SSBP2: variants seen among roughly 807,000 people sequenced by gnomAD.
SSBP2 encodes single-stranded DNA-binding protein 2.
Under a neutral mutation model 61.8 loss-of-function variants are expected in SSBP2, and 17 were observed. The observed-to-expected ratio is 0.28, with a 90% CI of 0.19 to 0.41. The LOEUF (loss-of-function observed/expected upper bound fraction) is 0.41, where lower values mean the gene tolerates loss of function less well. Among genes scored for constraint, SSBP2 ranks in the 10% least tolerant of loss-of-function variants. The probability of loss-of-function intolerance (pLI) is 1.00; values close to 1 mark genes in which losing one functional copy is unlikely to be tolerated. For missense variants in SSBP2, 310 were observed against 458.7 expected, an observed-to-expected ratio of 0.68 and a Z score of 2.96; for synonymous variants, 139 against 141.3, an observed-to-expected ratio of 0.98 and a Z score of 0.12.
At chr5:81,569,137 T>C (rs1773659651) in intron 4 of SSBP2, among the ~76,000 whole-genome samples, 1 of 152,204 alleles carries the variant, frequency 6.6e-6, no homozygotes, top group African/African-American at 2.4e-5. Flanking sequence ...CTAATGAATT[T>C]TCTGGATGGT....
At chr5:81,643,018 T>C (rs1425423634) in intron 2 of SSBP2, among the ~76,000 whole-genome samples, 1 of 152,226 alleles carries the variant, frequency 6.6e-6, no homozygotes, top group Non-Finnish European at 1.5e-5. Context: ...TACTCCATTC[T>C]ATACTTGGGG....
chr5:81,579,182 A>G (rs781103912), intron 4 of SSBP2, among the ~76,000 whole-genome samples: 8 of 152,056 alleles, frequency 5.3e-5, no homozygotes, highest in Non-Finnish European at 8.8e-5. Flanking sequence ...TAAAAGGAAA[A>G]TGATATCAGG....
chr5:81,749,174 A>G (rs953885158), intron 1 of SSBP2, among the ~76,000 whole-genome samples: 2 of 152,248 alleles, frequency 1.3e-5, no homozygotes, highest in South Asian at 2.1e-4. Context: ...CAAAACTTCA[A>G]TTCTAGTAAC....
intron 1 of SSBP2, among the ~76,000 whole-genome samples, chr5:81,691,321 C>G (rs1345863161): frequency 1.3e-5 from 2 of 151,718 alleles, no homozygotes; most frequent in Non-Finnish European, 2.9e-5. Flanking sequence ...TTTACCCAGA[C>G]TAAGAATAAA....
At chr5:81,493,251 C>CAGAT (rs66763000) in intron 5 of SSBP2, among the ~76,000 whole-genome samples, 36,174 of 145,316 alleles carry the variant, frequency 0.25, 4,512 homozygotes, top group East Asian at 0.31. Context: ...ATGAACAAAA[C>CAGAT]AGATAGATAG....
At position 81,530,942 on chromosome 5, in the gene SSBP2, C is replaced by T. The variant is rs79655565; in HGVS notation, c.283-17225G>A. Among the ~76,000 whole-genome samples the T allele has an allele frequency of 7.7e-3, 1,174 of 152,110 alleles. 9 individuals are homozygous for T. Among genetic ancestry groups the T allele is most frequent in the African/African-American group, 0.026 (1,097 of 41,500 alleles). ...CAAGAAAGAATATAATTTCAGACTG[C>T]GCATGGTGGCTCATGCCTGTAATTT... On this transcript the variant is annotated intron_variant, in intron 4 of 16. Transcript: ENST00000320672.
intron 4 of SSBP2, among the ~76,000 whole-genome samples, chr5:81,514,367 G>A (rs1325418323): frequency 6.6e-6 from 1 of 151,924 alleles, no homozygotes; most frequent in Non-Finnish European, 1.5e-5. Flanking sequence ...AAAATTCAAA[G>A]TCTACTTCAC....
At chr5:81,477,033 A>G (rs944778150) in intron 6 of SSBP2, among the ~76,000 whole-genome samples, 2 of 151,710 alleles carry the variant, frequency 1.3e-5, no homozygotes, top group Admixed American at 6.6e-5. Context: ...GTGTGTGTGT[A>G]ACATACCCAC....
intron 1 of SSBP2, among the ~76,000 whole-genome samples, chr5:81,676,584 A>AGAATTTCCCC (rs1352433000): frequency 6.6e-6 from 1 of 152,168 alleles, no homozygotes; most frequent in African/African-American, 2.4e-5. Flanking sequence ...GCTGCTGCCT[A>AGAATTTCCCC]GAATTTCCCC....
At chr5:81,434,627 T>G (rs1174723793) in intron 15 of SSBP2, among the ~76,000 whole-genome samples, 6 of 94,580 alleles carry the variant, frequency 6.3e-5, no homozygotes, top group Non-Finnish European at 1.0e-4. Flanking sequence ...AGCGAAACTC[T>G]TGACTCAAAA....
At chr5:81,706,156 A>G (rs1249828647) in intron 1 of SSBP2, among the ~76,000 whole-genome samples, 2 of 152,206 alleles carry the variant, frequency 1.3e-5, no homozygotes, top group Non-Finnish European at 2.9e-5. Flanking sequence ...CCATAAAAAA[A>G]GAGAACGAAA....
In SSBP2 at chr5:81,483,032, T is replaced by C. The variant is rs1050323631; in HGVS notation, c.432+6218A>G. Among the ~76,000 whole-genome samples, 4 of 152,146 alleles carry C rather than the reference T, an allele frequency of 2.6e-5. No individual in the cohort carries two copies. The South Asian group carries it at 6.2e-4, about 24-fold the overall frequency. On this transcript the variant is annotated intron_variant, in intron 6 of 16. Coordinates refer to ENST00000320672, the MANE Select transcript of SSBP2 (RefSeq NM_012446.5). The stretch of plus-strand genomic sequence containing the variant: ...GGAATAGGGAAGTCAAGGAGAGGAA[T>C]AGTGATCAGGGAGTGGCTGGTCGGT...
intron 15 of SSBP2, among the ~76,000 whole-genome samples, chr5:81,434,967 T>A (rs1047955525): frequency 1.9e-4 from 29 of 152,012 alleles, no homozygotes; most frequent in Non-Finnish European, 7.4e-5. Context: ...CTGATGCTCT[T>A]AAGAGAAAAA....
chr5:81,689,992 GTTTC>G (rs547859758), intron 1 of SSBP2, among the ~76,000 whole-genome samples: 110 of 152,098 alleles, frequency 7.2e-4, no homozygotes, highest in Non-Finnish European at 6.9e-4. Flanking sequence ...AGTTTTCTCT[GTTTC>G]TTTATGCAAT....
chr5:81,730,629 G>A (rs898821578), intron 1 of SSBP2, among the ~76,000 whole-genome samples: 1 of 152,074 alleles, frequency 6.6e-6, no homozygotes, highest in Non-Finnish European at 1.5e-5. Flanking sequence ...TTTGTTCTTG[G>A]TATAATATAA....
rs527466464 is a variant in SSBP2 at position 81,551,641 on chromosome 5, G to T, written c.283-37924C>A. Among the ~76,000 whole-genome samples, 40 of 152,110 alleles carry T rather than the reference G, an allele frequency of 2.6e-4. No homozygotes were observed. In the South Asian group the frequency reaches 6.6e-3, roughly 25 times the overall value. ...TAAAATATTTAAAAGAAATGTAACT[G>T]CATTTCTTCCAGTAAAGCTCTCAAC... is the stretch of plus-strand genomic sequence containing the variant. On this transcript the variant is annotated intron_variant, in intron 4 of 16. Transcript: ENST00000320672.
chr5:81,736,489 G>A lies in SSBP2; in HGVS notation c.62+14492C>T, dbSNP rs1019453183. On this transcript the variant is annotated intron_variant, in intron 1 of 16. Transcript: ENST00000320672. ...TTATCTTTTGCTGCCTTTTCTCCTC[G>A]AATTTAAAAGGGTGCTTTTTGGTCA... Among the ~76,000 whole-genome samples, 15 of 152,048 alleles carry A rather than the reference G, an allele frequency of 9.9e-5. No homozygotes were observed. The East Asian group carries it at 2.1e-3, about 22-fold the overall frequency.
intron 10 of SSBP2, among the ~76,000 whole-genome samples, chr5:81,455,337 AG>A (rs1764064538): frequency 8.9e-6 from 1 of 112,678 alleles, no homozygotes. Context: ...TCCTCCTTCT[AG>A]GCCGGGCGCG....
At chr5:81,617,122 GAGA>G (rs1581178131) in intron 3 of SSBP2, among the ~76,000 whole-genome samples, 2 of 66,692 alleles carry the variant, frequency 3.0e-5, no homozygotes, top group East Asian at 4.1e-4. Flanking sequence ...GACGAGCTGA[GAGA>G]AGAAGGCTTC....
Sources: allele counts gnomAD v4.1 joint callset (sites outside exome capture counted in the v4.1 genomes callset), GRCh38; gene constraint gnomAD v4.1.1; transcripts MANE v1.5; gene names NCBI Gene and HGNC (gene_info 2026-07-23, HGNC 2026-07-21).